The following SLC22A24 variants were observed in gnomAD, a reference collection of about 807,000 sequenced individuals.
The protein encoded by SLC22A24 is steroid transmembrane transporter SLC22A24.
Under a neutral mutation model 49.8 loss-of-function variants are expected in SLC22A24, and 53 were observed. That is an observed-to-expected ratio of 1.06 (90% confidence interval 0.85 to 1.34). SLC22A24 has a LOEUF of 1.34. Ranked by LOEUF, SLC22A24 falls within the 40% of genes most tolerant of loss-of-function variation. SLC22A24 has a pLI of 0.00. For synonymous variants in SLC22A24, 302 were observed against 256.4 expected, an observed-to-expected ratio of 1.18 and a Z score of -1.70; for missense variants, 786 against 675.9, an observed-to-expected ratio of 1.16 and a Z score of -1.81.
Position 63,119,081 on chromosome 11 carries a change from C to T in SLC22A24, c.662-1G>A. 6.5e-7 allele frequency: 1 copy of T among 1,545,618 alleles called. No homozygotes were observed. The highest frequency in any genetic ancestry group is 8.7e-7 in the Non-Finnish European group (1 of 1,143,154). On this transcript the variant is annotated splice_acceptor_variant, in intron 3 of 9. Coordinates refer to ENST00000612278, the MANE Select transcript of SLC22A24 (RefSeq NM_001136506.2). LOFTEE classifies it high-confidence loss of function. Reference sequence around the variant, plus strand: ...GACCGGGGCAATGTCCACTCTAAGCCTGGAAGAAAACATATACATAGTAAT... The same window carrying T: ...GACCGGGGCAATGTCCACTCTAAGCTTGGAAGAAAACATATACATAGTAAT...
chr11:63,090,587 C>T lies in SLC22A24; in HGVS notation c.1070+5404G>A, dbSNP rs145260137. On this transcript the variant is annotated intron_variant, in intron 6 of 9. Coordinates refer to ENST00000612278, the MANE Select transcript of SLC22A24 (RefSeq NM_001136506.2). ...ACACAACTACGTGGAAATTGAACAA[C>T]CTGTGCCTGAATGACTACTGGGTAA... Among the ~76,000 whole-genome samples, 8 of 151,606 alleles carry T rather than the reference C, an allele frequency of 5.3e-5. 1 individual carries two copies. In the East Asian group the frequency reaches 1.6e-3, roughly 29 times the overall value.
chr11:63,080,394 C>T (rs1490585122), intron 9 of SLC22A24, among the ~76,000 whole-genome samples: 2 of 152,184 alleles, frequency 1.3e-5, no homozygotes, highest in Non-Finnish European at 2.9e-5. Context: ...TCAGAGGCAT[C>T]CCAACAAGAT....
intron 4 of SLC22A24, among the ~76,000 whole-genome samples, chr11:63,106,866 C>T (rs531005015): frequency 2.0e-4 from 30 of 152,196 alleles, no homozygotes; most frequent in African/African-American, 6.3e-4. Context: ...AAATTTTCTC[C>T]GATTTTTTAG....
intron 2 of SLC22A24, among the ~76,000 whole-genome samples, chr11:63,122,850 T>G (rs552280502): frequency 3.3e-5 from 5 of 152,274 alleles, no homozygotes; most frequent in South Asian, 4.1e-4. Context: ...CAAATAATAG[T>G]TGTACATATT....
chr11:63,116,617 G>A (rs1226693232), intron 4 of SLC22A24, among the ~76,000 whole-genome samples: 1 of 151,838 alleles, frequency 6.6e-6, no homozygotes, highest in Non-Finnish European at 1.5e-5. Flanking sequence ...GAATTTCTTG[G>A]GTGTGTAGAT....
At chr11:63,082,735 T>TA (rs1431394408) in intron 7 of SLC22A24, among the ~76,000 whole-genome samples, 1 of 152,208 alleles carries the variant, frequency 6.6e-6, no homozygotes, top group East Asian at 1.9e-4. Context: ...AAGCCTTTTC[T>TA]AAAAAAGTGT....
At chr11:63,097,791 CCAT>C (rs1215105923) in intron 5 of SLC22A24, among the ~76,000 whole-genome samples, 1 of 152,008 alleles carries the variant, frequency 6.6e-6, no homozygotes, top group Non-Finnish European at 1.5e-5. Flanking sequence ...AAGCTGGAAA[CCAT>C]CATTTTCAGC....
chr11:63,093,369 T>C (rs930102781), intron 6 of SLC22A24, among the ~76,000 whole-genome samples: 15 of 152,092 alleles, frequency 9.9e-5, no homozygotes, highest in African/African-American at 7.2e-5. Context: ...TATAAATCAT[T>C]CTACCATAAA....
At chr11:63,102,639 A>G (rs929169416) in intron 5 of SLC22A24, among the ~76,000 whole-genome samples, 25 of 152,172 alleles carry the variant, frequency 1.6e-4, no homozygotes, top group African/African-American at 5.8e-4. Context: ...TAACCCCACA[A>G]ATCTTGCTGG....
intron 7 of SLC22A24, among the ~76,000 whole-genome samples, chr11:63,082,026 TATTC>T (rs960294935): frequency 6.6e-6 from 1 of 152,166 alleles, no homozygotes; most frequent in Non-Finnish European, 1.5e-5. Flanking sequence ...ATTAGAACAA[TATTC>T]ATTTTAATTT....
At chr11:63,137,852 T>G (rs1338498471) in intron 1 of SLC22A24, 1 of 152,208 alleles carries the variant, frequency 6.6e-6, no homozygotes, top group Non-Finnish European at 1.5e-5. Context: ...AAAGGGAAAC[T>G]GGAAACCTGA....
chr11:63,115,313 A>G (rs1260713126), intron 4 of SLC22A24, among the ~76,000 whole-genome samples: 1 of 152,218 alleles, frequency 6.6e-6, no homozygotes, highest in Non-Finnish European at 1.5e-5. Flanking sequence ...TTGCAGGTCG[A>G]TCTCAGACTG....
intron 4 of SLC22A24, 77 bp downstream of exon 4, chr11:63,118,834 AT>A: frequency 6.9e-7 from 1 of 1,457,290 alleles, no homozygotes; most frequent in East Asian, 2.5e-5. Context: ...GACCGAACAG[AT>A]CCCAGGTGTC....
intron 5 of SLC22A24, among the ~76,000 whole-genome samples, chr11:63,097,123 G>A (rs2087059506): frequency 6.6e-6 from 1 of 152,034 alleles, no homozygotes. Flanking sequence ...TATCATCATA[G>A]TGAGCAGGCA....
intron 6 of SLC22A24, among the ~76,000 whole-genome samples, chr11:63,092,049 CAA>C (rs2087023652): frequency 6.6e-6 from 1 of 152,148 alleles, no homozygotes; most frequent in Non-Finnish European, 1.5e-5. Flanking sequence ...GCAACTTCAG[CAA>C]AGTCTCAGGA....
intron 5 of SLC22A24, among the ~76,000 whole-genome samples, chr11:63,099,370 G>GTTTTTTTTT (rs1279683430): frequency 2.9e-5 from 1 of 34,426 alleles, no homozygotes; most frequent in Non-Finnish European, 5.5e-5. Context: ...TAATTTTTAA[G>GTTTTTTTTT]ATTTTTTTTT....
intron 2 of SLC22A24, among the ~76,000 whole-genome samples, chr11:63,124,109 A>C (rs1005555697): frequency 6.6e-6 from 1 of 152,176 alleles, no homozygotes; most frequent in South Asian, 2.1e-4. Context: ...GCCAGAGGGA[A>C]CAGCAAGTAT....
At chr11:63,127,920 G>A (rs893244642) in intron 2 of SLC22A24, among the ~76,000 whole-genome samples, 1 of 151,828 alleles carries the variant, frequency 6.6e-6, no homozygotes, top group Non-Finnish European at 1.5e-5. Context: ...TAGGTTGCCT[G>A]TTCACTCTGA....
At chr11:63,103,513 A>T (rs945607460) in intron 5 of SLC22A24, among the ~76,000 whole-genome samples, 1 of 152,174 alleles carries the variant, frequency 6.6e-6, no homozygotes, top group Non-Finnish European at 1.5e-5. Context: ...ACACCCTGGT[A>T]GGCAATAAGC....
Sources: gnomAD v4.1 joint callset for allele counts (sites outside exome capture counted in the v4.1 genomes callset) on GRCh38, gnomAD v4.1.1 for gene constraint, MANE v1.5 for transcripts, NCBI Gene and HGNC (gene_info 2026-07-23, HGNC 2026-07-21) for gene names.